PTPN3: variants seen among roughly 807,000 people sequenced by gnomAD.
PTPN3 encodes protein tyrosine phosphatase non-receptor type 3, also known as tyrosine-protein phosphatase non-receptor type 3.
In PTPN3, 96 loss-of-function variants were observed where a neutral mutation model predicts 132.7. The ratio of observed to expected loss-of-function variants is 0.72; its 90% CI spans 0.61 to 0.86. The LOEUF (loss-of-function observed/expected upper bound fraction) is 0.86, where lower values mean the gene tolerates loss of function less well. PTPN3 is among the 40% of genes least tolerant of loss of function. PTPN3 has a pLI of 0.00. For synonymous variants in PTPN3, 398 were observed against 429.0 expected, an observed-to-expected ratio of 0.93 and a Z score of 0.89; for missense variants, 1,125 against 1,159.6, an observed-to-expected ratio of 0.97 and a Z score of 0.43.
intron 6 of PTPN3, 83 bp downstream of exon 6, chr9:109,448,728 T>C: frequency 7.5e-7 from 1 of 1,326,280 alleles, no homozygotes; most frequent in Non-Finnish European, 1.1e-6. Context: ...TTTGATATTG[T>C]TACCAGAAAT....
rs61736875 is a variant in PTPN3 at position 109,426,995 on chromosome 9, T to C, written c.956A>G (p.Asn319Ser). ...CATAGTCCAGTACTGAGACAGAACA[T>C]TCTTTTCCTGAGGTAGTAGCTTCTT... Reference protein sequence around the residue: ...QAKKLLPQEKNVLSQYWTMGS... With the variant: ...QAKKLLPQEKSVLSQYWTMGS... Residue 319 changes from asparagine to serine, a missense_variant, in exon 12 of 26, where the codon AAT becomes AGT. Physicochemically the swap from Asn to Ser is conservative, Grantham distance 46 (BLOSUM62 1). Coordinates refer to ENST00000374541, the MANE Select transcript of PTPN3 (RefSeq NM_002829.4). 5.5e-5 allele frequency: 89 copies of C among 1,613,928 alleles called. No homozygotes were observed. The African/African-American group carries it at 1.1e-3, about 20-fold the overall frequency.
chr9:109,422,430 T>C (rs1265657102), intron 13 of PTPN3, among the ~76,000 whole-genome samples: 1 of 152,210 alleles, frequency 6.6e-6, no homozygotes, highest in Non-Finnish European at 1.5e-5. Context: ...GAGTGTTTAA[T>C]ATGCTAATGT....
At chr9:109,446,071 ACT>A (rs1273990977) in intron 6 of PTPN3, among the ~76,000 whole-genome samples, 1 of 151,706 alleles carries the variant, frequency 6.6e-6, no homozygotes, top group South Asian at 2.1e-4. Flanking sequence ...TCAACTGCAG[ACT>A]CCACGGCCTG....
intron 1 of PTPN3, among the ~76,000 whole-genome samples, chr9:109,482,394 G>A (rs1254395145): frequency 2.0e-5 from 3 of 152,298 alleles, no homozygotes; most frequent in East Asian, 3.9e-4. Context: ...TTATAAAGTT[G>A]TATCTACGGG....
At chr9:109,454,699 T>C in intron 4 of PTPN3, 125 bp from the exon 5 acceptor site, 1 of 707,154 alleles carries the variant, frequency 1.4e-6, no homozygotes, top group Non-Finnish European at 2.4e-6. Context: ...ATAAAAGGGC[T>C]AATTTCAAAC....
chr9:109,443,713 T>C (rs1844652056), intron 7 of PTPN3, among the ~76,000 whole-genome samples: 1 of 152,060 alleles, frequency 6.6e-6, no homozygotes, highest in African/African-American at 2.4e-5. Flanking sequence ...CCACTTCCCA[T>C]ATGGATGTGA....
At chr9:109,461,820 T>TG (rs200417247) in intron 2 of PTPN3, among the ~76,000 whole-genome samples, 3 of 152,094 alleles carry the variant, frequency 2.0e-5, no homozygotes, top group African/African-American at 7.2e-5. Context: ...CACATGCGGC[T>TG]GGGGGGCTCC....
At chr9:109,524,926 C>G in the PTPN3 span, among the ~76,000 whole-genome samples, 1 of 152,022 alleles carries the variant, frequency 6.6e-6, no homozygotes, top group Non-Finnish European at 1.5e-5. Flanking sequence ...TTAGTAGAGA[C>G]GGGGTTTTGC....
At chr9:109,534,269 T>G in the PTPN3 span, 6 of 1,546,560 alleles carry the variant, frequency 3.9e-6, no homozygotes, top group Non-Finnish European at 5.2e-6. Context: ...TCACCGGCGC[T>G]GAGGGCGGGG....
chr9:109,386,559 GGA>G (rs1704261871), intron 22 of PTPN3, among the ~76,000 whole-genome samples: 2 of 152,148 alleles, frequency 1.3e-5, no homozygotes, highest in Admixed American at 1.3e-4. Context: ...GTAATGTCCT[GGA>G]GAGAGGGGAT....
At chr9:109,432,063 G>T (rs997752588) in intron 10 of PTPN3, among the ~76,000 whole-genome samples, 34 of 148,034 alleles carry the variant, frequency 2.3e-4, no homozygotes, top group African/African-American at 8.1e-4. Flanking sequence ...ATAATATAGG[G>T]TATATTATAT....
intron 1 of PTPN3, among the ~76,000 whole-genome samples, chr9:109,486,802 G>A (rs1003276170): frequency 6.6e-6 from 1 of 152,070 alleles, no homozygotes; most frequent in Non-Finnish European, 1.5e-5. Context: ...AATCATGGGG[G>A]CAGTTACCCC....
intron 5 of PTPN3, chr9:109,450,419 C>T (rs1244009988): frequency 1.0e-6 from 1 of 984,354 alleles, no homozygotes. Flanking sequence ...AATGGTGAAC[C>T]CGGGCTTTCA....
At chr9:109,510,558 T>TAA in the PTPN3 span, among the ~76,000 whole-genome samples, 431 of 74,126 alleles carry the variant, frequency 5.8e-3, 7 homozygotes, top group African/African-American at 0.014. Flanking sequence ...AACTTTGTCT[T>TAA]AAAAAAAAAA....
the PTPN3 span, among the ~76,000 whole-genome samples, chr9:109,520,077 T>G: frequency 1.3e-5 from 2 of 150,676 alleles, no homozygotes; most frequent in Non-Finnish European, 2.9e-5. Context: ...GAGAAAGGCA[T>G]GAACCCAGGA....
At chr9:109,406,687 C>A in intron 17 of PTPN3, 69 bp from the exon 18 acceptor site, 1 of 1,574,390 alleles carries the variant, frequency 6.4e-7, no homozygotes, top group South Asian at 1.2e-5. Flanking sequence ...AACGCTGACT[C>A]GCTCTGCTCC....
chr9:109,444,863 C>T (rs776725446), intron 7 of PTPN3, among the ~76,000 whole-genome samples: 1 of 152,146 alleles, frequency 6.6e-6, no homozygotes, highest in Non-Finnish European at 1.5e-5. Flanking sequence ...TCTAGGTTTC[C>T]ATGTGTATAA....
At chr9:109,402,284 T>C (rs544131966) in intron 19 of PTPN3, among the ~76,000 whole-genome samples, 1 of 127,716 alleles carries the variant, frequency 7.8e-6, no homozygotes, top group African/African-American at 2.5e-5. Flanking sequence ...CCTCTACATT[T>C]CCTTTTTTTT....
intron 7 of PTPN3, among the ~76,000 whole-genome samples, chr9:109,441,699 A>G (rs1844483619): frequency 6.6e-6 from 1 of 152,148 alleles, no homozygotes; most frequent in African/African-American, 2.4e-5. Context: ...GCAGGCCATT[A>G]ACAATTTTCC....
Sources: allele counts gnomAD v4.1 joint callset (sites outside exome capture counted in the v4.1 genomes callset), GRCh38; gene constraint gnomAD v4.1.1; transcripts MANE v1.5; gene names NCBI Gene and HGNC (gene_info 2026-07-23, HGNC 2026-07-21).